TLN2: variants seen among roughly 807,000 people sequenced by gnomAD.
TLN2 encodes talin 2, also known as talin-2.
A neutral mutation model predicts 294.7 loss-of-function variants in TLN2; 118 were observed. The observed-to-expected ratio is 0.40, with a 90% CI of 0.34 to 0.47. The LOEUF is 0.47. Among genes scored for constraint, TLN2 ranks in the 20% least tolerant of loss-of-function variants. The pLI, the probability that TLN2 is intolerant of heterozygous loss-of-function variation, is 0.84. For missense variants in TLN2, 3,083 were observed against 3,282.2 expected, an observed-to-expected ratio of 0.94 and a Z score of 1.48; for synonymous variants, 1,431 against 1,304.5, an observed-to-expected ratio of 1.10 and a Z score of -2.09.
intron 28 of TLN2, among the ~76,000 whole-genome samples, chr15:62,731,507 T>C (rs1419380629): frequency 6.6e-6 from 1 of 152,186 alleles, no homozygotes; most frequent in Non-Finnish European, 1.5e-5. Flanking sequence ...GATTGGAAAT[T>C]GTGTGGTCTG....
chr15:62,701,569 G>A (rs984235865), intron 17 of TLN2, among the ~76,000 whole-genome samples: 4 of 152,180 alleles, frequency 2.6e-5, no homozygotes, highest in African/African-American at 9.7e-5. Context: ...CCTGTCATAT[G>A]TGCCTTTGCC....
chr15:62,742,544 C>T (rs141863754), intron 32 of TLN2, among the ~76,000 whole-genome samples: 3 of 151,946 alleles, frequency 2.0e-5, no homozygotes, highest in East Asian at 1.9e-4. Context: ...GAAACAGAGC[C>T]GGAAAGAATA....
chr15:62,391,764 C>A (rs991160317), intron 1 of TLN2, among the ~76,000 whole-genome samples: 3 of 152,240 alleles, frequency 2.0e-5, no homozygotes, highest in Non-Finnish European at 2.9e-5. Context: ...GAGCCGCCGT[C>A]ACGGACAGCG....
At chr15:62,786,751 GAC>G (rs2064694600) in intron 45 of TLN2, among the ~76,000 whole-genome samples, 1 of 152,152 alleles carries the variant, frequency 6.6e-6, no homozygotes, top group Non-Finnish European at 1.5e-5. Flanking sequence ...TCCACCCCAA[GAC>G]ACACGTGCTG....
intron 1 of TLN2, among the ~76,000 whole-genome samples, chr15:62,470,451 C>T (rs1167732580): frequency 6.6e-6 from 1 of 152,240 alleles, no homozygotes; most frequent in Non-Finnish European, 1.5e-5. Flanking sequence ...CCTTTGATAA[C>T]AGCTCTGCAT....
rs76817364 is a variant in TLN2 at position 62,705,040 on chromosome 15, T to C, written c.2005-2046T>C. Among the ~76,000 whole-genome samples the C allele has an allele frequency of 2.1e-3, 320 of 152,342 alleles. 2 individuals carry two copies. The highest frequency in any genetic ancestry group is 7.5e-3 in the African/African-American group (311 of 41,586). On this transcript the variant is annotated intron_variant, in intron 19 of 58. Transcript: ENST00000636159. ...TTCCTTTAAACATCCCATGCAACCT[T>C]GTATTTTTTAAAAGCTTTTCCTGCC...
Position 62,762,428 on chromosome 15 carries a change from A to G in TLN2, c.4936A>G (p.Ile1646Val). 1 of 1,614,136 alleles carries G rather than the reference A, an allele frequency of 6.2e-7. No homozygotes were observed. The highest frequency in any genetic ancestry group is 1.1e-5 in the South Asian group (1 of 91,072). Residue 1646 changes from isoleucine (I) to valine (V), a missense_variant, in exon 39 of 59, where the codon ATC becomes GTC. Physicochemically the swap from Ile to Val is conservative, Grantham distance 29. Transcript: ENST00000636159. ...ACATTCCCATACAGTGTCCGACTCC[A>G]TCAAGAGTCTCATCACTTCTATCAG... ...AGHSHTVSDSIKSLITSIRDK... is the reference protein window; with the variant it reads ...AGHSHTVSDSVKSLITSIRDK...
intron 28 of TLN2, among the ~76,000 whole-genome samples, chr15:62,732,997 C>A (rs2060813629): frequency 6.6e-6 from 1 of 152,052 alleles, no homozygotes; most frequent in African/African-American, 2.4e-5. Context: ...GAAGGCTGGG[C>A]TGGATGATAC....
intron 2 of TLN2, among the ~76,000 whole-genome samples, chr15:62,600,693 A>C (rs1567171826): frequency 6.6e-6 from 1 of 152,242 alleles, no homozygotes; most frequent in Non-Finnish European, 1.5e-5. Flanking sequence ...TCAAAAGTGA[A>C]GAGAATTTTA....
chr15:62,590,941 T>G (rs1179820935), intron 2 of TLN2, among the ~76,000 whole-genome samples: 1 of 151,984 alleles, frequency 6.6e-6, no homozygotes, highest in Non-Finnish European at 1.5e-5. Context: ...ACTTTAAAAT[T>G]TTGTGGAATA....
At chr15:62,676,357 C>T (rs115948900) in intron 11 of TLN2, among the ~76,000 whole-genome samples, 2 of 152,252 alleles carry the variant, frequency 1.3e-5, no homozygotes, top group South Asian at 2.1e-4. Flanking sequence ...CATCCAAAAT[C>T]GCTGGGGCCT....
intron 19 of TLN2, 38 bp downstream of exon 19, chr15:62,702,902 C>T: frequency 6.3e-7 from 1 of 1,584,556 alleles, no homozygotes; most frequent in Non-Finnish European, 8.7e-7. Flanking sequence ...GGAAAGAAGT[C>T]TAAGTGATGG....
intron 1 of TLN2, among the ~76,000 whole-genome samples, chr15:62,576,788 C>T (rs903874694): frequency 4.0e-5 from 6 of 151,276 alleles, no homozygotes; most frequent in African/African-American, 1.5e-4. Flanking sequence ...AGCTAAGTTA[C>T]TCTGTCTAGA....
rs2062083823 is a variant in TLN2, at chr15:62,754,009, T to C, written c.4476+93T>C. On this transcript the variant is annotated intron_variant, in intron 36 of 58. Coordinates refer to ENST00000636159, the MANE Select transcript of TLN2 (RefSeq NM_015059.3). ...TATGAGAAATTAGTAAAGAATCTTG[T>C]TCTTTCAGAGCTTGCAAAGGTAGCT... 2.2e-6 allele frequency: 3 copies of C among 1,377,072 alleles called. No individual in the cohort carries two copies. In the South Asian group the frequency reaches 6.1e-5, roughly 28 times the overall value. The allele number at this position is 1,377,072 out of a possible 1,614,324, so 85.3% of individuals were successfully genotyped here.
chr15:62,476,598 T>G (rs927963889), intron 1 of TLN2, among the ~76,000 whole-genome samples: 3 of 152,150 alleles, frequency 2.0e-5, no homozygotes, highest in Non-Finnish European at 4.4e-5. Flanking sequence ...TCATAATGGT[T>G]TTGGGGCCTT....
At chr15:62,784,665 G>A (rs975175587) in intron 45 of TLN2, 3 of 152,216 alleles carry the variant, frequency 2.0e-5, no homozygotes, top group African/African-American at 7.2e-5. Flanking sequence ...AGGGCTTGGG[G>A]GAACCACATG....
intron 3 of TLN2, among the ~76,000 whole-genome samples, chr15:62,640,779 C>A (rs531456617): frequency 6.6e-6 from 1 of 152,098 alleles, no homozygotes; most frequent in African/African-American, 2.4e-5. Context: ...AACACAGGAA[C>A]TATGTTTATT....
At chr15:62,612,455 T>C (rs1192911157) in intron 2 of TLN2, among the ~76,000 whole-genome samples, 2 of 152,208 alleles carry the variant, frequency 1.3e-5, no homozygotes, top group African/African-American at 4.8e-5. Flanking sequence ...ATTTGCCCTC[T>C]GTTTTTACCC....
chr15:62,547,729 C>T (rs1229334139), intron 1 of TLN2, among the ~76,000 whole-genome samples: 1 of 152,166 alleles, frequency 6.6e-6, no homozygotes, highest in Non-Finnish European at 1.5e-5. Flanking sequence ...CTTGCATCTT[C>T]CTTGGAAGGA....
Sources: gnomAD v4.1 joint callset for allele counts (sites outside exome capture counted in the v4.1 genomes callset) on GRCh38, gnomAD v4.1.1 for gene constraint, MANE v1.5 for transcripts, NCBI Gene and HGNC (gene_info 2026-07-23, HGNC 2026-07-21) for gene names.